CHMP4B: variants seen among roughly 807,000 people sequenced by gnomAD.
CHMP4B encodes the protein charged multivesicular body protein 4B.
A neutral mutation model predicts 25.1 loss-of-function variants in CHMP4B; 1 was observed. The observed-to-expected ratio is 0.04, with a 90% confidence interval of 0.01 to 0.19. The LOEUF is 0.19. Among genes scored for constraint, CHMP4B ranks in the 10% least tolerant of loss-of-function variants. The pLI is 1.00. For missense variants in CHMP4B, 151 were observed against 289.7 expected (o/e 0.52, Z 3.48); for synonymous variants, 101 against 115.6 (o/e 0.87, Z 0.81).
intron 1 of CHMP4B, among the ~76,000 whole-genome samples, chr20:33,833,861 G>T (rs548832865): frequency 4.6e-5 from 7 of 152,274 alleles, no homozygotes; most frequent in African/African-American, 1.7e-4. Context: ...ATATCTGCTG[G>T]CCTGTGAATT....
intron 4 of CHMP4B, 73 bp downstream of exon 4, chr20:33,852,276 T>C (rs1979875809): frequency 6.4e-7 from 1 of 1,573,434 alleles, no homozygotes; most frequent in South Asian, 1.1e-5. Context: ...TGGCTTTGGT[T>C]TGTGGTCGGT....
At chr20:33,817,998 T>C (rs1256352469) in intron 1 of CHMP4B, among the ~76,000 whole-genome samples, 1 of 152,210 alleles carries the variant, frequency 6.6e-6, no homozygotes, top group Non-Finnish European at 1.5e-5. Context: ...AGTACCTTGG[T>C]AGTTACTTAT....
chr20:33,826,979 T>C (rs554621200), intron 1 of CHMP4B, among the ~76,000 whole-genome samples: 17 of 152,318 alleles, frequency 1.1e-4, no homozygotes, highest in Admixed American at 1.1e-3. Flanking sequence ...GTTATTCTTT[T>C]TGGTTGATGA....
At chr20:33,849,494 CG>C (rs1979785787) in intron 2 of CHMP4B, among the ~76,000 whole-genome samples, 1 of 151,934 alleles carries the variant, frequency 6.6e-6, no homozygotes, top group Non-Finnish European at 1.5e-5. Flanking sequence ...CAGCTACTGG[CG>C]GCTGAGGCAG....
chr20:33,818,474 A>C (rs368648146), intron 1 of CHMP4B, among the ~76,000 whole-genome samples: 1 of 152,226 alleles, frequency 6.6e-6, no homozygotes, highest in Admixed American at 6.5e-5. Flanking sequence ...TAGGTGCCCT[A>C]TCCTCTCACA....
At chr20:33,835,640 C>T (rs1005648501) in intron 1 of CHMP4B, among the ~76,000 whole-genome samples, 2 of 152,058 alleles carry the variant, frequency 1.3e-5, no homozygotes, top group African/African-American at 4.8e-5. Context: ...TCTAGAAGCT[C>T]GATGTAGGTG....
chr20:33,844,089 T>C (rs1979616650), intron 1 of CHMP4B, among the ~76,000 whole-genome samples: 1 of 152,246 alleles, frequency 6.6e-6, no homozygotes, highest in Non-Finnish European at 1.5e-5. Context: ...ACCCCGGGAC[T>C]GTCCCTCATA....
In CHMP4B at chr20:33,816,746, G is replaced by A. The variant is rs1049078454; in HGVS notation, c.190+5088G>A. ...TTTAGTAAAGATGAAAACAGTTGTAGACAAGATCATAGTTTAACAAGAGAA... is the reference window on the plus strand; with the variant it reads ...TTTAGTAAAGATGAAAACAGTTGTAAACAAGATCATAGTTTAACAAGAGAA... On this transcript the variant is annotated intron_variant, in intron 1 of 4. Coordinates refer to ENST00000217402, the MANE Select transcript of CHMP4B (RefSeq NM_176812.5). 3.3e-5 allele frequency among the ~76,000 whole-genome samples: 5 copies of A among 152,272 alleles called. No individual in the cohort carries two copies. The South Asian group carries it at 1.0e-3, about 32-fold the overall frequency.
intron 1 of CHMP4B, among the ~76,000 whole-genome samples, chr20:33,815,555 T>C (rs1453280805): frequency 6.6e-6 from 1 of 152,046 alleles, no homozygotes; most frequent in African/African-American, 2.4e-5. Flanking sequence ...ACTTGATAAT[T>C]GTATAGTCCT....
intron 1 of CHMP4B, among the ~76,000 whole-genome samples, chr20:33,844,421 GAAT>G (rs1321755821): frequency 2.0e-5 from 3 of 152,204 alleles, no homozygotes; most frequent in Non-Finnish European, 4.4e-5. Flanking sequence ...CTGCAAAGAT[GAAT>G]AATATCAGCA....
At chr20:33,828,808 T>C (rs1343617494) in intron 1 of CHMP4B, among the ~76,000 whole-genome samples, 1 of 151,908 alleles carries the variant, frequency 6.6e-6, no homozygotes, top group Non-Finnish European at 1.5e-5. Flanking sequence ...AGTAAGCAGA[T>C]AAGTCTCAGG....
In CHMP4B at chr20:33,853,486, C is replaced by T. The variant is rs1157319260; in HGVS notation, c.611-10C>T. 1 of 1,613,708 alleles carries T rather than the reference C, an allele frequency of 6.2e-7. No individual in the cohort carries two copies. Among genetic ancestry groups the T allele is most frequent in the Non-Finnish European group, 8.5e-7 (1 of 1,179,776 alleles). On this transcript the variant is annotated splice_polypyrimidine_tract_variant and intron_variant, in intron 4 of 4. Coordinates refer to ENST00000217402, the MANE Select transcript of CHMP4B (RefSeq NM_176812.5). ...AGTCATCCTAAATAGCCTTTTCTGT[C>T]TTCACACAGCCAAGAAGAAAGAAGA... is the stretch of plus-strand genomic sequence containing the variant.
chr20:33,844,494 G>A (rs1979627070), intron 1 of CHMP4B, among the ~76,000 whole-genome samples: 1 of 152,148 alleles, frequency 6.6e-6, no homozygotes, highest in Non-Finnish European at 1.5e-5. Flanking sequence ...TTGCGTATTT[G>A]CTTCCAGATC....
At chr20:33,850,833 C>A in intron 2 of CHMP4B, 119 bp from the exon 3 acceptor site, 2 of 741,588 alleles carry the variant, frequency 2.7e-6, no homozygotes, top group Non-Finnish European at 4.9e-6. Flanking sequence ...GGAGTCATTG[C>A]AGGGGGTGTG....
rs1399865015 is a variant in CHMP4B, at chr20:33,811,410, C to A, written c.-59C>A. 1.5e-5 allele frequency: 20 copies of A among 1,376,082 alleles called. No individual in the cohort carries two copies. Among genetic ancestry groups the A allele is most frequent in the Admixed American group, 3.5e-5 (1 of 28,500 alleles). The allele number at this position is 1,376,082 out of a possible 1,614,324, so 85.2% of individuals were successfully genotyped here. A position where few individuals can be genotyped will look rare whatever the true frequency, so the allele number is the denominator to read the frequency against. ...AGCGGGCGCCGGAGCCGACCCGAGC[C>A]GAGCCGAGCCGAGCCGAGCCGGAGC... On this transcript the variant is annotated 5_prime_UTR_variant, in exon 1 of 5. Transcript: ENST00000217402.
chr20:33,821,661 C>T (rs898869401), intron 1 of CHMP4B, among the ~76,000 whole-genome samples: 6 of 152,236 alleles, frequency 3.9e-5, no homozygotes, highest in African/African-American at 1.2e-4. Context: ...TGGTGACTCA[C>T]ACCTGTAATC....
At chr20:33,843,888 GA>G (rs1490909423) in intron 1 of CHMP4B, among the ~76,000 whole-genome samples, 1 of 152,242 alleles carries the variant, frequency 6.6e-6, no homozygotes, top group Non-Finnish European at 1.5e-5. Flanking sequence ...CTTTACTCAT[GA>G]AGCATGTTTA....
chr20:33,834,401 C>G (rs1368341464), intron 1 of CHMP4B, among the ~76,000 whole-genome samples: 1 of 152,098 alleles, frequency 6.6e-6, no homozygotes, highest in Non-Finnish European at 1.5e-5. Flanking sequence ...GCCTCAAACT[C>G]CTGGGCTCAA....
chr20:33,847,688 G>A (rs1036782267), intron 1 of CHMP4B, among the ~76,000 whole-genome samples: 4 of 152,184 alleles, frequency 2.6e-5, no homozygotes, highest in Non-Finnish European at 4.4e-5. Context: ...AGGTTTGGCC[G>A]TGGCAAGGAG....
Sources: allele counts gnomAD v4.1 joint callset (sites outside exome capture counted in the v4.1 genomes callset), GRCh38; gene constraint gnomAD v4.1.1; transcripts MANE v1.5; gene names NCBI Gene and HGNC (gene_info 2026-07-23, HGNC 2026-07-21).